TEX48: variants seen among roughly 807,000 people sequenced by gnomAD.
TEX48 encodes the protein testis expressed 48.
A neutral mutation model predicts 13.2 loss-of-function variants in TEX48; 10 were observed. The ratio of observed to expected loss-of-function variants is 0.75; its 90% confidence interval spans 0.47 to 1.28. The LOEUF (loss-of-function observed/expected upper bound fraction) is 1.28, where lower values mean the gene tolerates loss of function less well. Ranked by LOEUF, TEX48 falls within the 50% of genes most tolerant of loss-of-function variation. The probability of loss-of-function intolerance (pLI) is 0.00; values close to 1 mark genes in which losing one functional copy is unlikely to be tolerated. For synonymous variants in TEX48, 45 were observed against 52.3 expected (o/e 0.86, Z 0.60); for missense variants, 116 against 139.4 (o/e 0.83, Z 0.84).
At chr9:114,674,831 T>G (rs1184460678) in intron 1 of TEX48, among the ~76,000 whole-genome samples, 1 of 142,574 alleles carries the variant, frequency 7.0e-6, no homozygotes, top group Non-Finnish European at 1.5e-5. Flanking sequence ...TGCCACCATG[T>G]CCAGCAAATT....
intron 1 of TEX48, among the ~76,000 whole-genome samples, chr9:114,679,623 T>C (rs1004605202): frequency 1.4e-4 from 22 of 152,222 alleles, no homozygotes; most frequent in Non-Finnish European, 7.3e-5. Context: ...TAATTAAGAC[T>C]AATTGTTCTG....
intron 3 of TEX48, 27 bp from the exon 4 acceptor site, chr9:114,668,364 C>G: frequency 6.5e-7 from 1 of 1,532,496 alleles, no homozygotes. Flanking sequence ...CACAGGGTCA[C>G]GTGGGGGAGG....
intron 1 of TEX48, among the ~76,000 whole-genome samples, chr9:114,678,732 A>C (rs1828124571): frequency 6.6e-6 from 1 of 151,516 alleles, no homozygotes; most frequent in Non-Finnish European, 1.5e-5. Flanking sequence ...ACTTCCAGTT[A>C]CTCAGAGGCT....
chr9:114,672,167 G>A (rs1827961195), intron 1 of TEX48, among the ~76,000 whole-genome samples: 1 of 152,136 alleles, frequency 6.6e-6, no homozygotes, highest in Non-Finnish European at 1.5e-5. Flanking sequence ...TTCTCTTTAT[G>A]TAGCTCACTG....
intron 1 of TEX48, among the ~76,000 whole-genome samples, chr9:114,673,439 C>T (rs1414248452): frequency 6.9e-6 from 1 of 144,364 alleles, no homozygotes; most frequent in African/African-American, 2.6e-5. Flanking sequence ...CCATTGCACT[C>T]CAGCCTGGGC....
intron 1 of TEX48, among the ~76,000 whole-genome samples, chr9:114,676,757 C>T (rs1404560411): frequency 1.3e-5 from 2 of 152,094 alleles, no homozygotes; most frequent in African/African-American, 2.4e-5. Context: ...GCTGGGACTA[C>T]AGGCACCTGC....
intron 3 of TEX48, among the ~76,000 whole-genome samples, chr9:114,670,036 A>G (rs1749123829): frequency 6.6e-6 from 1 of 152,174 alleles, no homozygotes; most frequent in Admixed American, 6.6e-5. Flanking sequence ...GCATGCCTTA[A>G]CTAATTGCTT....
intron 1 of TEX48, among the ~76,000 whole-genome samples, chr9:114,680,641 G>A (rs1828177784): frequency 6.6e-6 from 1 of 152,040 alleles, no homozygotes; most frequent in African/African-American, 2.4e-5. Context: ...GTGAAGATCT[G>A]GACAATCTTG....
chr9:114,673,471 C>A (rs553583307), intron 1 of TEX48, among the ~76,000 whole-genome samples: 111 of 107,176 alleles, frequency 1.0e-3, no homozygotes, highest in East Asian at 1.9e-3. Flanking sequence ...AACTCTGTCT[C>A]AAAAAAAAAA....
chr9:114,670,443 C>T (rs868545769), intron 3 of TEX48, among the ~76,000 whole-genome samples: 20 of 152,028 alleles, frequency 1.3e-4, no homozygotes, highest in Non-Finnish European at 2.5e-4. Context: ...TGCTCACCCC[C>T]TCCCACCTGT....
chr9:114,670,387 A>G (rs1443453095), intron 3 of TEX48, among the ~76,000 whole-genome samples: 2 of 152,050 alleles, frequency 1.3e-5, no homozygotes, highest in African/African-American at 2.4e-5. Flanking sequence ...ACATCATTGT[A>G]TTATCCTGTC....
Position 114,668,245 on chromosome 9 carries a change from T to C in TEX48, c.220A>G (p.Thr74Ala). The C allele has an allele frequency of 1.3e-6, 2 of 1,535,642 alleles. No individual in the cohort carries two copies. The highest frequency in any genetic ancestry group is 1.7e-6 in the Non-Finnish European group (2 of 1,146,836). Residue 74 changes from threonine (T) to alanine (A), a missense_variant, in exon 4 of 5, where the codon ACA becomes GCA. Coordinates refer to ENST00000436752, the MANE Select transcript of TEX48 (RefSeq NM_001199233.2). ...HLPSRTPLIQ[T>A]KKSTSSSSSE... ...CTGCTGGAGGAAGTGCTCTTTTTTG[T>C]CTGGATCAGGGGTGTTCTCGAAGGC...
chr9:114,671,251 C>A, intron 3 of TEX48, 132 bp downstream of exon 3: 1 of 1,094,620 alleles, frequency 9.1e-7, no homozygotes. Flanking sequence ...CCATCCAACA[C>A]CCACCTCATT....
At chr9:114,678,206 A>T (rs1185315058) in intron 1 of TEX48, among the ~76,000 whole-genome samples, 1 of 152,164 alleles carries the variant, frequency 6.6e-6, no homozygotes, top group Non-Finnish European at 1.5e-5. Flanking sequence ...AAACCTTCTG[A>T]CACCTGTTTT....
rs1827951724 is a variant in TEX48 at position 114,671,743 on chromosome 9, T to C, written c.-20A>G. ...ACCCATGGAAAGGAGTTGAAACTTC[T>C]ACTCTGCCAGCTTTGTCTGCAGGGG... On this transcript the variant is annotated 5_prime_UTR_variant, in exon 2 of 5. Coordinates refer to ENST00000436752, the MANE Select transcript of TEX48 (RefSeq NM_001199233.2). 3 of 1,535,562 alleles carry C rather than the reference T, an allele frequency of 2.0e-6. No homozygotes were observed. Among genetic ancestry groups the C allele is most frequent in the African/African-American group, 2.7e-5 (2 of 73,060 alleles).
chr9:114,674,839 A>ATTC (rs1554764705), intron 1 of TEX48, among the ~76,000 whole-genome samples: 1 of 105,392 alleles, frequency 9.5e-6, no homozygotes, highest in African/African-American at 4.0e-5. Context: ...TGTCCAGCAA[A>ATTC]TTCTTTTTTT....
In TEX48 at chr9:114,671,449, C is replaced by T. The variant is rs1827944440; in HGVS notation, c.61G>A (p.Glu21Lys). Residue 21 changes from glutamate to lysine, a missense_variant, in exon 3 of 5, where the codon GAG becomes AAG. Transcript: ENST00000436752. ...TTGGAGTCATTGATGGCATAGGGCT[C>T]CTGACAGTCCCTGCAGCATAAACAG... Reference protein sequence around the residue: ...IFCLCCRDCQEPYAINDSKVP... With the variant: ...IFCLCCRDCQKPYAINDSKVP... 3 of 1,535,344 alleles carry T rather than the reference C, an allele frequency of 2.0e-6. No individual in the cohort carries two copies. The highest frequency in any genetic ancestry group is 1.4e-5 in the African/African-American group (1 of 72,982).
At chr9:114,673,491 A>T (rs1228751854) in intron 1 of TEX48, among the ~76,000 whole-genome samples, 1 of 150,802 alleles carries the variant, frequency 6.6e-6, no homozygotes, top group African/African-American at 2.4e-5. Context: ...AAAAGAAAAG[A>T]AAAGAAAATC....
chr9:114,670,094 T>C (rs895788085), intron 3 of TEX48, among the ~76,000 whole-genome samples: 1 of 152,180 alleles, frequency 6.6e-6, no homozygotes, highest in African/African-American at 2.4e-5. Flanking sequence ...CTATGCTCAA[T>C]TTGAATACTA....
Sources: gnomAD v4.1 joint callset for allele counts (sites outside exome capture counted in the v4.1 genomes callset) on GRCh38, gnomAD v4.1.1 for gene constraint, MANE v1.5 for transcripts, NCBI Gene and HGNC (gene_info 2026-07-23, HGNC 2026-07-21) for gene names.